The following SLC25A28 variants were observed in gnomAD, a reference collection of about 807,000 sequenced individuals.
SLC25A28 encodes solute carrier family 25 member 28.
SLC25A28 carries 10 observed loss-of-function variants against 31.9 expected under a neutral mutation model. That is an observed-to-expected ratio of 0.31 (90% CI 0.19 to 0.53). The LOEUF is 0.53. SLC25A28 is among the 20% of genes least tolerant of loss of function. The probability of loss-of-function intolerance (pLI) is 0.95; values close to 1 mark genes in which losing one functional copy is unlikely to be tolerated. For synonymous variants in SLC25A28, 208 were observed against 203.6 expected (o/e 1.02, Z -0.19); for missense variants, 256 against 490.3 (o/e 0.52, Z 4.51).
At chr10:99,638,657 T>C in the SLC25A28 span, among the ~76,000 whole-genome samples, 1 of 152,166 alleles carries the variant, frequency 6.6e-6, no homozygotes, top group African/African-American at 2.4e-5. Context: ...GAAGAAGATA[T>C]ACAAATGGCC....
the SLC25A28 span, among the ~76,000 whole-genome samples, chr10:99,645,092 T>C: frequency 6.6e-6 from 1 of 152,206 alleles, no homozygotes; most frequent in South Asian, 2.1e-4. Context: ...TGAATTTGAA[T>C]GTTGGCCTGC....
At chr10:99,619,926 GGCAGGA>G (rs2034743687) in intron 1 of SLC25A28, 113 bp downstream of exon 1, 5 of 1,049,764 alleles carry the variant, frequency 4.8e-6, no homozygotes, top group East Asian at 3.2e-5. Flanking sequence ...ATGTGGTAGT[GGCAGGA>G]GCCAGGAAGG....
the SLC25A28 span, among the ~76,000 whole-genome samples, chr10:99,640,118 A>G: frequency 6.6e-6 from 1 of 152,234 alleles, no homozygotes. Flanking sequence ...CAATGTAGAC[A>G]TTATTATTTT....
the SLC25A28 span, among the ~76,000 whole-genome samples, chr10:99,627,948 T>C: frequency 6.6e-6 from 1 of 152,220 alleles, no homozygotes; most frequent in Non-Finnish European, 1.5e-5. Flanking sequence ...TCAATTGTTT[T>C]GATTTTTGAT....
chr10:99,632,148 G>A, the SLC25A28 span, among the ~76,000 whole-genome samples: 1 of 151,110 alleles, frequency 6.6e-6, no homozygotes, highest in East Asian at 1.9e-4. Flanking sequence ...CACCCGCCTC[G>A]GCCTCCCAAA....
Position 99,612,595 on chromosome 10 carries a change from C to T in SLC25A28, c.525G>A (p.Ala175=), listed in dbSNP as rs189771305. The T allele has an allele frequency of 5.6e-5, 91 of 1,614,122 alleles. No homozygotes were observed. The East Asian group carries it at 1.7e-3, about 31-fold the overall frequency. The change falls in exon 3 of 4, where the codon GCG becomes GCA. Residue 175 remains alanine (A), a synonymous_variant. Coordinates refer to ENST00000370495, the MANE Select transcript of SLC25A28 (RefSeq NM_031212.4). ...GAAGTAATGTTGCCACACACCCGGCCGCACCTGCAAACAAGAAAACAACTG... is the reference window on the plus strand; with the variant it reads ...GAAGTAATGTTGCCACACACCCGGCTGCACCTGCAAACAAGAAAACAACTG... ...PGGNSHIANG[A]AGCVATLLHD...
the SLC25A28 span, among the ~76,000 whole-genome samples, chr10:99,626,590 G>A: frequency 6.6e-6 from 1 of 152,122 alleles, no homozygotes; most frequent in African/African-American, 2.4e-5. Context: ...TTATTCGCTG[G>A]GTGCATAAAA....
chr10:99,653,651 G>A, the SLC25A28 span, among the ~76,000 whole-genome samples: 2 of 152,092 alleles, frequency 1.3e-5, no homozygotes, highest in African/African-American at 2.4e-5. Flanking sequence ...TGATCCTTCC[G>A]CTTTTTTCAT....
chr10:99,622,257 G>A (rs2034810115), upstream of SLC25A28, among the ~76,000 whole-genome samples: 2 of 152,170 alleles, frequency 1.3e-5, no homozygotes, highest in Non-Finnish European at 2.9e-5. Flanking sequence ...TTGCGCCAGG[G>A]AGGTCGAAGC....
the SLC25A28 span, among the ~76,000 whole-genome samples, chr10:99,658,137 C>T: frequency 3.8e-3 from 585 of 152,208 alleles, 6 homozygotes; most frequent in East Asian, 0.013. Flanking sequence ...CAGTGAACCA[C>T]GATCGCACCA....
At chr10:99,622,336 A>T (rs192262579), upstream of SLC25A28, among the ~76,000 whole-genome samples, 29 of 152,150 alleles carry the variant, frequency 1.9e-4, no homozygotes, top group East Asian at 1.2e-3. Flanking sequence ...TCTCAAAAAA[A>T]TTTTTTTAAA....
At chr10:99,621,932 T>A (rs2034803561), upstream of SLC25A28, 1 of 152,190 alleles carries the variant, frequency 6.6e-6, no homozygotes. Context: ...CCACCTCCCA[T>A]CCCCTGTGTG....
At chr10:99,619,145 C>T in intron 1 of SLC25A28, 1 of 985,426 alleles carries the variant, frequency 1.0e-6, no homozygotes, top group Middle Eastern at 5.2e-4. Context: ...GACTTCAGTA[C>T]ACATAAATCA....
the SLC25A28 span, among the ~76,000 whole-genome samples, chr10:99,653,662 C>T: frequency 1.3e-5 from 2 of 152,170 alleles, no homozygotes; most frequent in Non-Finnish European, 2.9e-5. Flanking sequence ...CTTTTTTCAT[C>T]TCTTTTTCTT....
intron 1 of SLC25A28, chr10:99,616,957 A>G: frequency 1.0e-6 from 1 of 984,606 alleles, no homozygotes; most frequent in Non-Finnish European, 1.2e-6. Context: ...ACTAGATGCA[A>G]GAAAATCAAA....
chr10:99,612,715 A>G, intron 2 of SLC25A28, 116 bp from the exon 3 acceptor site: 1 of 1,174,828 alleles, frequency 8.5e-7, no homozygotes, highest in Non-Finnish European at 1.3e-6. Context: ...AGTAACGTTA[A>G]GAGCTAGTCC....
chr10:99,619,994 C>G (rs760348551), intron 1 of SLC25A28, 51 bp downstream of exon 1: 3 of 1,511,398 alleles, frequency 2.0e-6, no homozygotes. Flanking sequence ...GGACAAGACC[C>G]AGGGGTCGGG....
At chr10:99,614,076 T>C in intron 1 of SLC25A28, 152 bp from the exon 2 acceptor site, 1 of 974,984 alleles carries the variant, frequency 1.0e-6, no homozygotes, top group Non-Finnish European at 1.5e-6. Context: ...CTGATCTTTC[T>C]TCTAAGCCTT....
chr10:99,612,421 C>T (rs1453704171), intron 3 of SLC25A28, 122 bp downstream of exon 3: 7 of 1,086,682 alleles, frequency 6.4e-6, no homozygotes, highest in East Asian at 4.8e-5. Context: ...ATGGAGGGAG[C>T]ACCCTCTAGT....
Sources: allele counts gnomAD v4.1 joint callset (sites outside exome capture counted in the v4.1 genomes callset), GRCh38; gene constraint gnomAD v4.1.1; transcripts MANE v1.5; gene names NCBI Gene and HGNC (gene_info 2026-07-23, HGNC 2026-07-21).